The following MAPK10 variants were observed in gnomAD, a reference collection of about 807,000 sequenced individuals.
MAPK10 encodes mitogen-activated protein kinase 10, also known as JNK3 alpha protein kinase.
In MAPK10, 25 loss-of-function variants were observed where a neutral mutation model predicts 59.3. The ratio of observed to expected loss-of-function variants is 0.42; its 90% confidence interval spans 0.31 to 0.59. The LOEUF is 0.59. Among genes scored for constraint, MAPK10 ranks in the 20% least tolerant of loss-of-function variants. MAPK10 has a pLI of 0.15. For missense variants in MAPK10, 351 were observed against 568.9 expected (o/e 0.62, Z 3.90); for synonymous variants, 190 against 200.5 (o/e 0.95, Z 0.44).
chr4:86,586,981 T>C (rs1762693739), intron 1 of MAPK10, among the ~76,000 whole-genome samples: 1 of 152,186 alleles, frequency 6.6e-6, no homozygotes, highest in African/African-American at 2.4e-5. Flanking sequence ...AAAAATTATC[T>C]CAAGCCTAAA....
At chr4:86,199,257 A>T (rs953682365) in intron 2 of MAPK10, among the ~76,000 whole-genome samples, 1 of 152,082 alleles carries the variant, frequency 6.6e-6, no homozygotes, top group Non-Finnish European at 1.5e-5. Context: ...ATAATAGTGC[A>T]ATAAATAATA....
chr4:86,084,726 C>T lies in MAPK10; in HGVS notation c.802+13798G>A, dbSNP rs146643796. On this transcript the variant is annotated intron_variant, in intron 9 of 13. Coordinates refer to ENST00000641462, the MANE Select transcript of MAPK10 (RefSeq NM_138982.4). Reference sequence around the variant, plus strand: ...TCCCTATCAAAATACGAATGGTGTTCTTCACAGATAGAAAACACAATCCTG... The same window carrying T: ...TCCCTATCAAAATACGAATGGTGTTTTTCACAGATAGAAAACACAATCCTG... Among the ~76,000 whole-genome samples, 74 of 144,682 alleles carry T rather than the reference C, an allele frequency of 5.1e-4. 1 individual carries two copies. In the East Asian group the frequency reaches 0.011, roughly 22 times the overall value. The allele number at this position is 144,682 out of a possible 152,430, so 94.9% of individuals were successfully genotyped here. A position where few individuals can be genotyped will look rare whatever the true frequency, so the allele number is the denominator to read the frequency against.
At chr4:86,088,204 G>A (rs1337367782) in intron 9 of MAPK10, among the ~76,000 whole-genome samples, 3 of 152,122 alleles carry the variant, frequency 2.0e-5, no homozygotes, top group Admixed American at 1.3e-4. Context: ...TAGAGACAGG[G>A]TCTCACTCTG....
chr4:86,216,480 T>C (rs1382813965), intron 2 of MAPK10, among the ~76,000 whole-genome samples: 1 of 151,672 alleles, frequency 6.6e-6, no homozygotes, highest in Non-Finnish European at 1.5e-5. Context: ...CTGTGTATTT[T>C]GCCATAACAG....
chr4:86,141,514 C>A (rs1011883788), intron 4 of MAPK10, among the ~76,000 whole-genome samples: 12 of 152,258 alleles, frequency 7.9e-5, no homozygotes, highest in Non-Finnish European at 1.3e-4. Flanking sequence ...ATAGCAAAGA[C>A]TATCAGTTAT....
At chr4:86,528,105 A>G (rs1030875930) in intron 1 of MAPK10, among the ~76,000 whole-genome samples, 1 of 152,176 alleles carries the variant, frequency 6.6e-6, no homozygotes, top group African/African-American at 2.4e-5. Flanking sequence ...GCACCACACA[A>G]TATGCTCATG....
intron 9 of MAPK10, among the ~76,000 whole-genome samples, chr4:86,088,485 T>G (rs1198229823): frequency 6.6e-6 from 1 of 152,136 alleles, no homozygotes; most frequent in Non-Finnish European, 1.5e-5. Flanking sequence ...CCACATCTGG[T>G]CTTGATCTTT....
intron 1 of MAPK10, among the ~76,000 whole-genome samples, chr4:86,491,639 G>A (rs1277369280): frequency 5.3e-5 from 8 of 152,268 alleles, no homozygotes; most frequent in African/African-American, 1.4e-4. Context: ...ACTCTAAATC[G>A]AAGCATATAG....
At chr4:86,323,813 T>C (rs185743847) in intron 2 of MAPK10, among the ~76,000 whole-genome samples, 3 of 152,218 alleles carry the variant, frequency 2.0e-5, no homozygotes, top group Non-Finnish European at 4.4e-5. Flanking sequence ...CTAAAGAAAA[T>C]ATACATTGAG....
At chr4:86,589,695 A>G (rs1762888967) in intron 1 of MAPK10, among the ~76,000 whole-genome samples, 1 of 151,784 alleles carries the variant, frequency 6.6e-6, no homozygotes, top group Non-Finnish European at 1.5e-5. Context: ...AAAAAAAAAA[A>G]GTAAAGTAAA....
chr4:86,334,896 C>A (rs1377319510), intron 2 of MAPK10, among the ~76,000 whole-genome samples: 2 of 152,154 alleles, frequency 1.3e-5, no homozygotes, highest in Non-Finnish European at 2.9e-5. Flanking sequence ...CCTCACCAGA[C>A]TATAATCTCT....
chr4:86,317,463 T>C (rs912785590), intron 2 of MAPK10, among the ~76,000 whole-genome samples: 4 of 152,222 alleles, frequency 2.6e-5, no homozygotes, highest in Non-Finnish European at 5.9e-5. Context: ...TTCTTTGAAA[T>C]ACTACTGCAC....
chr4:86,075,410 C>T (rs2149016017), intron 9 of MAPK10, among the ~76,000 whole-genome samples: 1 of 152,340 alleles, frequency 6.6e-6, no homozygotes, highest in African/African-American at 2.4e-5. Flanking sequence ...AGTCATTCTC[C>T]ATCCAGCTTT....
chr4:86,306,736 G>C (rs1264652177), intron 2 of MAPK10, among the ~76,000 whole-genome samples: 1 of 152,120 alleles, frequency 6.6e-6, no homozygotes. Flanking sequence ...TATATTTGCT[G>C]TTCACTTGGG....
At chr4:86,208,312 T>C (rs1468526304) in intron 2 of MAPK10, among the ~76,000 whole-genome samples, 1 of 150,340 alleles carries the variant, frequency 6.7e-6, no homozygotes, top group Non-Finnish European at 1.5e-5. Context: ...ACCAATATCC[T>C]TGATGAACAT....
chr4:86,302,103 GATGGTGATAA>G (rs1391133089), intron 2 of MAPK10, among the ~76,000 whole-genome samples: 1 of 151,940 alleles, frequency 6.6e-6, no homozygotes, highest in Non-Finnish European at 1.5e-5. Context: ...GAATTTACAT[GATGGTGATAA>G]CCAGCCGAAG....
intron 1 of MAPK10, among the ~76,000 whole-genome samples, chr4:86,392,859 T>C (rs1332199876): frequency 5.3e-5 from 8 of 152,202 alleles, no homozygotes; most frequent in Non-Finnish European, 1.0e-4. Context: ...TAGCAGCTGT[T>C]ATGAGTGCAA....
intron 11 of MAPK10, among the ~76,000 whole-genome samples, chr4:86,048,999 C>T (rs1328419888): frequency 6.6e-6 from 1 of 151,914 alleles, no homozygotes; most frequent in Non-Finnish European, 1.5e-5. Context: ...TAAAAACCGC[C>T]CCTTCTACCT....
At position 86,425,698 on chromosome 4, in the gene MAPK10, C is replaced by T. The variant is rs190134686; in HGVS notation, c.-122+27332G>A. Among the ~76,000 whole-genome samples the T allele has an allele frequency of 2.8e-4, 43 of 152,200 alleles. No individual in the cohort carries two copies. The East Asian group carries it at 6.8e-3, about 24-fold the overall frequency. On this transcript the variant is annotated intron_variant, in intron 1 of 13. Coordinates refer to the MAPK10 transcript ENST00000361569. ...ATCCTTAATTTATTTAAGGATCGGG[C>T]GCAGTGATTCACGCCTGTAATCCCA...
Sources: allele counts gnomAD v4.1 joint callset (sites outside exome capture counted in the v4.1 genomes callset), GRCh38; gene constraint gnomAD v4.1.1; transcripts MANE v1.5; gene names NCBI Gene and HGNC (gene_info 2026-07-23, HGNC 2026-07-21).